NRG1: variants seen among roughly 807,000 people sequenced by gnomAD.
NRG1 encodes the protein pro-neuregulin-1, membrane-bound isoform.
NRG1 carries 18 observed loss-of-function variants against 63.8 expected under a neutral mutation model. That is an observed-to-expected ratio of 0.28 (90% CI 0.19 to 0.42). The LOEUF is 0.42. Among genes scored for constraint, NRG1 ranks in the 10% least tolerant of loss-of-function variants. The pLI, the probability that NRG1 is intolerant of heterozygous loss-of-function variation, is 1.00. For missense variants in NRG1, 762 were observed against 814.7 expected (o/e 0.94, Z 0.79); for synonymous variants, 302 against 301.3 (o/e 1.00, Z -0.02).
intron 1 of NRG1, among the ~76,000 whole-genome samples, chr8:32,166,269 CAG>C (rs1452352488): frequency 6.6e-6 from 1 of 151,954 alleles, no homozygotes; most frequent in East Asian, 1.9e-4. Flanking sequence ...TAATTATTTG[CAG>C]AGTGTTTTGT....
chr8:31,640,273 C>T lies in NRG1; in HGVS notation c.37+842C>T. ...CCCGCAGCGGCGGCAGCAGGGGGCA[C>T]TCGACAGGAAGGCGGCGGCGGCGGC... is the stretch of plus-strand genomic sequence containing the variant. On this transcript the variant is annotated intron_variant, in intron 1 of 10. Transcript: ENST00000519301. The surrounding 1 kb of genome is among the most constrained non-coding windows in gnomAD (Gnocchi z 6.3). 8.8e-7 allele frequency: 1 copy of T among 1,136,762 alleles called. No individual in the cohort carries two copies. The highest frequency in any genetic ancestry group is 1.1e-6 in the Non-Finnish European group (1 of 927,226). The allele number at this position is 1,136,762 out of a possible 1,614,324, so 70.4% of individuals were successfully genotyped here.
chr8:32,506,397 A>G (rs539908138), intron 1 of NRG1, among the ~76,000 whole-genome samples: 1 of 152,306 alleles, frequency 6.6e-6, no homozygotes, highest in African/African-American at 2.4e-5. Context: ...TAGTCTGCTG[A>G]GAACTTTAAA....
intron 1 of NRG1, among the ~76,000 whole-genome samples, chr8:32,219,564 G>A (rs954903108): frequency 4.6e-5 from 7 of 152,122 alleles, no homozygotes; most frequent in Non-Finnish European, 7.3e-5. Context: ...GGTTACAAAC[G>A]TCTATTTTCC....
At chr8:32,689,604 C>A (rs979401080) in intron 5 of NRG1, among the ~76,000 whole-genome samples, 12 of 152,134 alleles carry the variant, frequency 7.9e-5, no homozygotes, top group East Asian at 3.9e-4. Flanking sequence ...AACAAAGAAG[C>A]AAATTACATA....
At chr8:32,031,486 C>T (rs997129573) in intron 1 of NRG1, among the ~76,000 whole-genome samples, 2 of 152,126 alleles carry the variant, frequency 1.3e-5, no homozygotes, top group African/African-American at 4.8e-5. Context: ...GCCTATTTCC[C>T]CCTTTCTGCT....
intron 1 of NRG1, among the ~76,000 whole-genome samples, chr8:31,916,277 T>C (rs139017933): frequency 0.012 from 1,893 of 152,246 alleles, 29 homozygotes; most frequent in Non-Finnish European, 0.02. Flanking sequence ...TAGTTACGTA[T>C]GTATACATGT....
At position 32,614,582 on chromosome 8, in the gene NRG1, G is replaced by C. The variant is rs1756498801; in HGVS notation, c.451+18G>C. ...GTCTTCAGGTAAGGAAAATAAGCCT[G>C]GCAAATTTTACTAACCAGAATGACA... On this transcript the variant is annotated intron_variant, in intron 4 of 11. Coordinates refer to ENST00000356819, the Ensembl canonical transcript of NRG1. 3 of 1,609,638 alleles carry C rather than the reference G, an allele frequency of 1.9e-6. No individual in the cohort carries two copies. The highest frequency in any genetic ancestry group is 2.5e-6 in the Non-Finnish European group (3 of 1,176,908).
chr8:32,387,173 T>C (rs1811122969), intron 1 of NRG1, among the ~76,000 whole-genome samples: 1 of 152,170 alleles, frequency 6.6e-6, no homozygotes, highest in Non-Finnish European at 1.5e-5. Context: ...AGATATGGCC[T>C]GCAAAATAAG....
At chr8:31,646,791 C>T (rs1296686862) in intron 1 of NRG1, among the ~76,000 whole-genome samples, 1 of 152,174 alleles carries the variant, frequency 6.6e-6, no homozygotes, top group Non-Finnish European at 1.5e-5. Flanking sequence ...AAGATAAAAA[C>T]ATACTTTTGA....
At chr8:31,783,651 A>G (rs1819911745) in intron 1 of NRG1, among the ~76,000 whole-genome samples, 1 of 151,886 alleles carries the variant, frequency 6.6e-6, no homozygotes, top group East Asian at 1.9e-4. Context: ...AGAGCTGCAT[A>G]GCTTTTCAGT....
intron 5 of NRG1, among the ~76,000 whole-genome samples, chr8:32,669,161 T>G (rs1376637716): frequency 6.6e-6 from 1 of 152,154 alleles, no homozygotes; most frequent in Non-Finnish European, 1.5e-5. Context: ...ATTATCCAGT[T>G]CTCATTCATG....
At chr8:32,037,862 C>A (rs541718610) in intron 1 of NRG1, among the ~76,000 whole-genome samples, 1 of 152,174 alleles carries the variant, frequency 6.6e-6, no homozygotes, top group Non-Finnish European at 1.5e-5. Flanking sequence ...TAGGCTGTCT[C>A]CAACCTGCTA....
At chr8:31,855,080 T>G (rs1827705875) in intron 1 of NRG1, among the ~76,000 whole-genome samples, 1 of 152,156 alleles carries the variant, frequency 6.6e-6, no homozygotes, top group Non-Finnish European at 1.5e-5. Context: ...GAAAAAAATG[T>G]ATATTCTGTT....
At chr8:32,248,095 A>G (rs1406013680) in intron 1 of NRG1, among the ~76,000 whole-genome samples, 1 of 152,146 alleles carries the variant, frequency 6.6e-6, no homozygotes, top group Non-Finnish European at 1.5e-5. Context: ...ACAACTAGCT[A>G]TATGACTTCA....
At chr8:32,245,985 G>T (rs1396947285) in intron 1 of NRG1, among the ~76,000 whole-genome samples, 1 of 152,086 alleles carries the variant, frequency 6.6e-6, no homozygotes, top group Non-Finnish European at 1.5e-5. Flanking sequence ...TCATTAGCCA[G>T]GAATCAGGCT....
At chr8:32,249,329 G>A (rs539769850) in intron 1 of NRG1, among the ~76,000 whole-genome samples, 69 of 152,126 alleles carry the variant, frequency 4.5e-4, no homozygotes, top group African/African-American at 1.6e-3. Flanking sequence ...TTACAGACAT[G>A]TAGACATTAA....
chr8:32,763,685 A>G lies in NRG1; in HGVS notation c.1260-63A>G. ...ATAATACCGTGAACTCTGTCCCCTT[A>G]CCTTCCCTGCTATGTGCCTCTTATT... is the stretch of plus-strand genomic sequence containing the variant. On this transcript the variant is annotated intron_variant, in intron 11 of 11. Transcript: ENST00000356819. The G allele has an allele frequency of 3.4e-6, 5 of 1,457,444 alleles. No homozygotes were observed. In the South Asian group the frequency reaches 6.8e-5, roughly 20 times the overall value. The allele number at this position is 1,457,444 out of a possible 1,614,324, so 90.3% of individuals were successfully genotyped here. A position where few individuals can be genotyped will look rare whatever the true frequency, so the allele number is the denominator to read the frequency against.
At chr8:32,670,298 A>T (rs562355152) in intron 5 of NRG1, among the ~76,000 whole-genome samples, 4 of 152,242 alleles carry the variant, frequency 2.6e-5, no homozygotes, top group Admixed American at 2.6e-4. Context: ...TGAGGGAAAA[A>T]GAGAGAGAGG....
chr8:32,681,643 C>T (rs1319421384), intron 5 of NRG1, among the ~76,000 whole-genome samples: 6 of 152,140 alleles, frequency 3.9e-5, no homozygotes, highest in Middle Eastern at 3.2e-3. Flanking sequence ...AACAGTTTTA[C>T]AGCTACTTGG....
Sources: allele counts gnomAD v4.1 joint callset (sites outside exome capture counted in the v4.1 genomes callset), GRCh38; gene constraint gnomAD v4.1.1; non-coding constraint Gnocchi (gnomAD v3.1); transcripts MANE v1.5; gene names NCBI Gene and HGNC (gene_info 2026-07-23, HGNC 2026-07-21).